Variants in FBXO36 observed in about 807,000 individuals in gnomAD.
The protein encoded by FBXO36 is F-box only protein 36.
A neutral mutation model predicts 17.0 loss-of-function variants in FBXO36; 18 were observed. That is an observed-to-expected ratio of 1.06 (90% CI 0.73 to 1.57). The LOEUF is 1.57. FBXO36 is among the 40% of genes most tolerant of loss of function. The pLI is 0.00. For synonymous variants in FBXO36, 83 were observed against 85.3 expected, an observed-to-expected ratio of 0.97 and a Z score of 0.15; for missense variants, 229 against 221.9, an observed-to-expected ratio of 1.03 and a Z score of -0.20.
intron 3 of FBXO36, among the ~76,000 whole-genome samples, chr2:230,006,843 A>G (rs1255187987): frequency 2.0e-5 from 3 of 152,204 alleles, no homozygotes; most frequent in Non-Finnish European, 4.4e-5. Flanking sequence ...GCATAAAGAC[A>G]CATTCCCAAG....
chr2:229,954,234 A>ATTTGTTTTTTTTTTTTTT (rs2077072357), intron 1 of FBXO36, among the ~76,000 whole-genome samples: 1 of 71,378 alleles, frequency 1.4e-5, no homozygotes, highest in South Asian at 6.3e-4. Context: ...AACCCTTTGG[A>ATTTGTTTTTTTTTTTTTT]TTTTTTTTTT....
At chr2:230,001,771 A>G (rs1015083694) in intron 3 of FBXO36, among the ~76,000 whole-genome samples, 1 of 151,672 alleles carries the variant, frequency 6.6e-6, no homozygotes, top group Non-Finnish European at 1.5e-5. Flanking sequence ...TCCAGGGCCT[A>G]CTCCTGGGAA....
At chr2:230,009,620 G>A (rs555587366) in intron 3 of FBXO36, among the ~76,000 whole-genome samples, 5 of 152,192 alleles carry the variant, frequency 3.3e-5, no homozygotes, top group Non-Finnish European at 7.3e-5. Context: ...ACAGACAGAA[G>A]ATGGGGTGAT....
At chr2:229,999,966 C>T (rs556889481) in intron 3 of FBXO36, among the ~76,000 whole-genome samples, 1 of 152,094 alleles carries the variant, frequency 6.6e-6, no homozygotes, top group East Asian at 1.9e-4. Context: ...GATTTTCCTA[C>T]CTAAAAATGG....
chr2:229,924,308 G>A (rs778349017), intron 1 of FBXO36, among the ~76,000 whole-genome samples: 8 of 151,434 alleles, frequency 5.3e-5, no homozygotes, highest in Non-Finnish European at 1.0e-4. Context: ...GGCCAGAGTG[G>A]TCTCCAACTC....
At chr2:229,950,393 TC>T (rs1320962041) in intron 1 of FBXO36, among the ~76,000 whole-genome samples, 1 of 151,980 alleles carries the variant, frequency 6.6e-6, no homozygotes, top group Non-Finnish European at 1.5e-5. Context: ...TCCACGGCAC[TC>T]CAGACTGGGC....
At chr2:229,999,325 C>T (rs1320091036) in intron 3 of FBXO36, among the ~76,000 whole-genome samples, 5 of 150,848 alleles carry the variant, frequency 3.3e-5, no homozygotes, top group African/African-American at 1.2e-4. Flanking sequence ...CGGGGTTTCC[C>T]CGTGTTGGCC....
chr2:229,973,309 A>C (rs1488329509), intron 1 of FBXO36: 2 of 152,130 alleles, frequency 1.3e-5, no homozygotes, highest in African/African-American at 2.4e-5. Context: ...AAAATATCTT[A>C]TTATTGTGTT....
At chr2:229,954,822 C>T (rs894857467) in intron 1 of FBXO36, among the ~76,000 whole-genome samples, 1 of 151,550 alleles carries the variant, frequency 6.6e-6, no homozygotes, top group Non-Finnish European at 1.5e-5. Flanking sequence ...GCTGGGATTA[C>T]AGGCGTGAGC....
chr2:229,931,560 G>A (rs1224296425), intron 1 of FBXO36, among the ~76,000 whole-genome samples: 2 of 152,140 alleles, frequency 1.3e-5, no homozygotes, highest in Admixed American at 6.6e-5. Flanking sequence ...GATGTTTCAC[G>A]ACCGGCATGT....
chr2:229,992,389 C>G (rs2077302384), intron 2 of FBXO36, among the ~76,000 whole-genome samples: 1 of 152,048 alleles, frequency 6.6e-6, no homozygotes, highest in South Asian at 2.1e-4. Flanking sequence ...AACTCCTGAC[C>G]CCAAGTGATC....
intron 1 of FBXO36, among the ~76,000 whole-genome samples, chr2:229,930,905 C>A (rs534491468): frequency 6.6e-6 from 1 of 152,120 alleles, no homozygotes; most frequent in Non-Finnish European, 1.5e-5. Flanking sequence ...GCAGCAAGTG[C>A]GCAAACATTC....
chr2:230,003,040 C>T (rs766222957), intron 3 of FBXO36, among the ~76,000 whole-genome samples: 13 of 151,688 alleles, frequency 8.6e-5, no homozygotes, highest in Non-Finnish European at 1.8e-4. Context: ...ATGAAACCCC[C>T]GTCTCTACCA....
At chr2:229,958,545 A>G (rs923528741) in intron 1 of FBXO36, among the ~76,000 whole-genome samples, 1 of 152,214 alleles carries the variant, frequency 6.6e-6, no homozygotes, top group African/African-American at 2.4e-5. Context: ...GTGGGATTAC[A>G]GGCGCGAGCC....
chr2:229,978,546 C>A (rs959723883), intron 2 of FBXO36, among the ~76,000 whole-genome samples: 1 of 151,968 alleles, frequency 6.6e-6, no homozygotes, highest in East Asian at 1.9e-4. Context: ...GAGATCACGC[C>A]GTTGCACTCC....
intron 2 of FBXO36, among the ~76,000 whole-genome samples, chr2:229,978,136 A>T (rs1032959131): frequency 3.9e-5 from 6 of 152,016 alleles, no homozygotes; most frequent in African/African-American, 9.7e-5. Context: ...ATTTTTTTTT[A>T]AATTAGCTAG....
At chr2:229,939,810 C>T (rs535959688) in intron 1 of FBXO36, among the ~76,000 whole-genome samples, 1 of 152,210 alleles carries the variant, frequency 6.6e-6, no homozygotes, top group Non-Finnish European at 1.5e-5. Flanking sequence ...CGCCGGGCGC[C>T]GTGGCTCACG....
chr2:229,946,003 C>CGA (rs1436271367), intron 1 of FBXO36, among the ~76,000 whole-genome samples: 4 of 146,522 alleles, frequency 2.7e-5, no homozygotes, highest in African/African-American at 1.0e-4. Context: ...GCCTGGGTAA[C>CGA]GAGAGCGAAA....
At chr2:229,982,893 G>A (rs1326616741) in intron 2 of FBXO36, among the ~76,000 whole-genome samples, 1 of 152,072 alleles carries the variant, frequency 6.6e-6, no homozygotes, top group Non-Finnish European at 1.5e-5. Context: ...ACATCTTTGG[G>A]GACGGGCATT....
Sources: gnomAD v4.1 joint callset for allele counts (sites outside exome capture counted in the v4.1 genomes callset) on GRCh38, gnomAD v4.1.1 for gene constraint, MANE v1.5 for transcripts, NCBI Gene and HGNC (gene_info 2026-07-23, HGNC 2026-07-21) for gene names.